DCUN1D1: variants seen among roughly 807,000 people sequenced by gnomAD.
DCUN1D1 encodes defective in cullin neddylation 1 domain containing 1.
DCUN1D1 carries 3 observed loss-of-function variants against 39.0 expected under a neutral mutation model. The ratio of observed to expected loss-of-function variants is 0.08; its 90% CI spans 0.04 to 0.20. The LOEUF is 0.20. DCUN1D1 is among the 10% of genes least tolerant of loss of function. The pLI, the probability that DCUN1D1 is intolerant of heterozygous loss-of-function variation, is 1.00. For missense variants in DCUN1D1, 158 were observed against 302.4 expected (o/e 0.52, Z 3.54); for synonymous variants, 82 against 96.3 (o/e 0.85, Z 0.87).
intron 4 of DCUN1D1, among the ~76,000 whole-genome samples, chr3:182,958,806 T>C (rs999584315): frequency 6.6e-6 from 1 of 152,140 alleles, no homozygotes; most frequent in Non-Finnish European, 1.5e-5. Context: ...ATATATCCAA[T>C]AGTTATAAAA....
Position 182,941,164 on chromosome 3 carries a change from G to C in DCUN1D1, c.*3930C>G, listed in dbSNP as rs371524465. 1 of 148,732 alleles carries C rather than the reference G, an allele frequency of 6.7e-6. No homozygotes were observed. The highest frequency in any genetic ancestry group is 1.5e-5 in the Non-Finnish European group (1 of 66,424). The allele number at this position is 148,732 out of a possible 1,614,324, so 9.2% of individuals were successfully genotyped here. The stretch of plus-strand genomic sequence containing the variant: ...AAAATCATTTATGTAACTATATTAT[G>C]AGTTTGAAAAAACAGCACTATTTGC... On this transcript the variant is annotated 3_prime_UTR_variant, in exon 7 of 7. Transcript: ENST00000292782.
chr3:182,978,664 C>CG, intron 1 of DCUN1D1, among the ~76,000 whole-genome samples: 1 of 152,274 alleles, frequency 6.6e-6, no homozygotes, highest in African/African-American at 2.4e-5. Context: ...CATGAGCCAC[C>CG]GTGCCCAGCC....
In DCUN1D1 at chr3:182,952,621, C is replaced by A. The variant is rs186655658; in HGVS notation, c.521-4989G>T. On this transcript the variant is annotated intron_variant, in intron 4 of 6. Coordinates refer to ENST00000292782, the MANE Select transcript of DCUN1D1 (RefSeq NM_020640.4). Reference sequence around the variant, plus strand: ...AATGGAACACTTCTCATTAGCACCACCCCCATCCCCACCACCCTGCACCCC... The same window carrying A: ...AATGGAACACTTCTCATTAGCACCAACCCCATCCCCACCACCCTGCACCCC... Among the ~76,000 whole-genome samples the A allele has an allele frequency of 2.6e-5, 4 of 152,124 alleles. No homozygotes were observed. The East Asian group carries it at 5.8e-4, about 22-fold the overall frequency.
chr3:182,976,757 G>C (rs1250528329), intron 1 of DCUN1D1, among the ~76,000 whole-genome samples: 1 of 152,106 alleles, frequency 6.6e-6, no homozygotes, highest in Non-Finnish European at 1.5e-5. Context: ...CCTCACCAGA[G>C]TGAGGATTTT....
intron 1 of DCUN1D1, among the ~76,000 whole-genome samples, chr3:182,974,963 G>C (rs1354278639): frequency 6.6e-6 from 1 of 151,952 alleles, no homozygotes; most frequent in Non-Finnish European, 1.5e-5. Flanking sequence ...GCTTGTTTCT[G>C]TCCACAAAGC....
intron 4 of DCUN1D1, among the ~76,000 whole-genome samples, chr3:182,958,107 T>C (rs1239614029): frequency 6.6e-6 from 1 of 152,094 alleles, no homozygotes. Flanking sequence ...CCAAATCTTG[T>C]AATTTAAGAG....
intron 4 of DCUN1D1, chr3:182,955,543 T>A: frequency 1.9e-6 from 1 of 529,068 alleles, no homozygotes; most frequent in Non-Finnish European, 3.8e-6. Context: ...ATATTTTACA[T>A]GCCACTCAAG....
intron 4 of DCUN1D1, among the ~76,000 whole-genome samples, chr3:182,951,437 A>T (rs893048558): frequency 4.0e-5 from 6 of 151,846 alleles, no homozygotes; most frequent in Admixed American, 3.3e-4. Context: ...CAACATAGTG[A>T]GACTTGGTCT....
intron 1 of DCUN1D1, 52 bp downstream of exon 1, chr3:182,980,435 G>C: frequency 9.5e-7 from 1 of 1,050,846 alleles, no homozygotes; most frequent in Non-Finnish European, 1.1e-6. Context: ...GGGGGTGCGC[G>C]GCAGCGCCGG....
chr3:182,947,364 T>C (rs1489893283), intron 5 of DCUN1D1, 30 bp from the exon 6 acceptor site: 2 of 1,451,342 alleles, frequency 1.4e-6, no homozygotes, highest in Admixed American at 2.1e-5. Flanking sequence ...AAAATACATT[T>C]GTATCACTAA....
At chr3:182,978,998 G>C (rs960040316) in intron 1 of DCUN1D1, among the ~76,000 whole-genome samples, 3 of 152,126 alleles carry the variant, frequency 2.0e-5, no homozygotes, top group Non-Finnish European at 4.4e-5. Flanking sequence ...GTGTTTCCCA[G>C]GGAATTAACG....
chr3:182,976,558 C>T lies in DCUN1D1; in HGVS notation c.3+3929G>A, dbSNP rs144569711. On this transcript the variant is annotated intron_variant, in intron 1 of 6. Transcript: ENST00000292782. Reference sequence around the variant, plus strand: ...TTCTGCATGGCTTATTCCCTCATCCCCTACTCTGTTCAAAATTATCTCATT... The same window carrying T: ...TTCTGCATGGCTTATTCCCTCATCCTCTACTCTGTTCAAAATTATCTCATT... 3.2e-3 allele frequency among the ~76,000 whole-genome samples: 482 copies of T among 152,114 alleles called. 4 individuals carry two copies. The highest frequency in any genetic ancestry group is 0.011 in the African/African-American group (463 of 41,496).
intron 4 of DCUN1D1, among the ~76,000 whole-genome samples, chr3:182,950,626 G>C (rs1332903036): frequency 6.6e-6 from 1 of 151,952 alleles, no homozygotes; most frequent in African/African-American, 2.4e-5. Context: ...AGGTAACCTT[G>C]AAATAGCACT....
At chr3:182,963,821 C>T in intron 3 of DCUN1D1, 60 bp downstream of exon 3, 2 of 1,384,474 alleles carry the variant, frequency 1.4e-6, no homozygotes, top group East Asian at 2.3e-5. Flanking sequence ...CTAAAAAGTT[C>T]ATGACATAAT....
intron 6 of DCUN1D1, 40 bp from the exon 7 acceptor site, chr3:182,945,213 A>G (rs891992431): frequency 4.7e-6 from 7 of 1,496,906 alleles, no homozygotes; most frequent in East Asian, 4.5e-5. Flanking sequence ...AGAAGGGGGA[A>G]AAAAGCAGAA....
At chr3:182,956,680 C>G (rs1727087875) in intron 4 of DCUN1D1, among the ~76,000 whole-genome samples, 1 of 152,162 alleles carries the variant, frequency 6.6e-6, no homozygotes, top group African/African-American at 2.4e-5. Flanking sequence ...ATGTTCAAAT[C>G]ATTTAAATCA....
upstream of DCUN1D1, among the ~76,000 whole-genome samples, chr3:182,983,928 A>G (rs1470219220): frequency 6.6e-6 from 1 of 152,060 alleles, no homozygotes; most frequent in Non-Finnish European, 1.5e-5. Context: ...CCTTACATAT[A>G]CTTTTGTTAC....
At chr3:182,958,639 A>C (rs1727218940) in intron 4 of DCUN1D1, among the ~76,000 whole-genome samples, 1 of 152,184 alleles carries the variant, frequency 6.6e-6, no homozygotes, top group Admixed American at 6.5e-5. Context: ...TCATCTTATG[A>C]AACAAAAACT....
rs1047710546 is a variant in DCUN1D1, at chr3:182,941,902, G to T, written c.*3192C>A. On this transcript the variant is annotated 3_prime_UTR_variant, in exon 7 of 7. Transcript: ENST00000292782. ...AGGTTTACAATACGTAGTCTTAATA[G>T]TAACATGTTTAAAAACCTAAGCAAA... The T allele has an allele frequency of 6.6e-6, 1 of 151,994 alleles. No individual in the cohort carries two copies. Among genetic ancestry groups the T allele is most frequent in the African/African-American group, 2.4e-5 (1 of 41,406 alleles). 9.4% of individuals were successfully genotyped at this position (151,994 alleles called of 1,614,324 possible).
Sources: gnomAD v4.1 joint callset for allele counts (sites outside exome capture counted in the v4.1 genomes callset) on GRCh38, gnomAD v4.1.1 for gene constraint, MANE v1.5 for transcripts, NCBI Gene and HGNC (gene_info 2026-07-23, HGNC 2026-07-21) for gene names.